The following TTN variants were observed in gnomAD, a reference collection of about 807,000 sequenced individuals.
TTN encodes titin.
A neutral mutation model predicts 3,223.0 loss-of-function variants in TTN; 1,525 were observed. The observed-to-expected ratio is 0.47, with a 90% confidence interval of 0.45 to 0.49. The LOEUF is 0.49. TTN is among the 20% of genes least tolerant of loss of function. The pLI, the probability that TTN is intolerant of heterozygous loss-of-function variation, is 0.00. For missense variants in TTN, 40,786 were observed against 43,424.0 expected (o/e 0.94, Z 5.40); for synonymous variants, 14,094 against 15,161.0 (o/e 0.93, Z 5.17).
intron 221 of TTN, 24 bp downstream of exon 221, chr2:178,640,517 C>T (rs376140448): frequency 5.0e-6 from 8 of 1,589,452 alleles, no homozygotes; most frequent in Non-Finnish European, 6.9e-6. Flanking sequence ...TTAGAGACAA[C>T]TAAGAATGAC....
chr2:178,604,231 C>A lies in TTN; in HGVS notation c.54456G>T (p.Glu18152Asp). ...RAVNKYGISD[E>D]CKSDKVVIQD... ...GAATGACTACTTTATCTGATTTGCA[C>A]TCATCACTGATTCCATATTTATTCA... Residue 18152 changes from glutamate (E) to aspartate (D), a missense_variant, in exon 282 of 363, where the codon GAG (glutamate) becomes GAT (aspartate). Coordinates refer to ENST00000589042, the MANE Select transcript of TTN (RefSeq NM_001267550.2). The A allele has an allele frequency of 6.2e-7, 1 of 1,600,118 alleles. No individual in the cohort carries two copies. The highest frequency in any genetic ancestry group is 8.5e-7 in the Non-Finnish European group (1 of 1,172,302).
rs1228652507 is a variant in TTN, at chr2:178,634,483, T to C, written c.42298A>G (p.Ile14100Val). 1 of 1,613,318 alleles carries C rather than the reference T, an allele frequency of 6.2e-7. No individual in the cohort carries two copies. Among genetic ancestry groups the C allele is most frequent in the South Asian group, 1.1e-5 (1 of 91,046 alleles). ...DIIKSSDKFD[I>V]IADGKKHILV... Reference sequence around the variant, plus strand: ...ATATGTTTCTTTCCATCAGCGATGATATCAAATTTGTCAGATGACTTAATT... The same window carrying C: ...ATATGTTTCTTTCCATCAGCGATGACATCAAATTTGTCAGATGACTTAATT... Residue 14100 changes from isoleucine to valine, a missense_variant, in exon 230 of 363, where the codon ATC becomes GTC. By Grantham distance (29) the Ile-to-Val change is conservative. Transcript: ENST00000589042. This position sits in a 1 kb window ranked among gnomAD's most constrained non-coding sequence, Gnocchi z 4.6.
chr2:178,578,279 T>C (rs2046897373), intron 321 of TTN, 94 bp from the exon 322 acceptor site: 2 of 1,126,754 alleles, frequency 1.8e-6, no homozygotes, highest in Non-Finnish European at 2.5e-6. Flanking sequence ...TCCATATATA[T>C]TGAACAAGTA....
chr2:178,644,723 G>T, intron 217 of TTN, 107 bp from the exon 218 acceptor site: 1 of 842,970 alleles, frequency 1.2e-6, no homozygotes, highest in Non-Finnish European at 1.8e-6. Flanking sequence ...TAACCAGAAA[G>T]CATTAATAAC....
chr2:178,549,869 T>C lies in TTN; in HGVS notation c.91853A>G (p.Asp30618Gly). Residue 30618 changes from aspartate to glycine, a missense_variant and splice_region_variant, in exon 338 of 363, where the codon GAT becomes GGT. By Grantham distance (94) the Asp-to-Gly change is moderately conservative. Coordinates refer to ENST00000589042, the MANE Select transcript of TTN (RefSeq NM_001267550.2). Reference sequence around the variant, plus strand: ...TGGCCCAACTACTTTTCCTGGTGTATCTATAAGAAAAAGTTTCTAGAGTTA... The same window carrying C: ...TGGCCCAACTACTTTTCCTGGTGTACCTATAAGAAAAAGTTTCTAGAGTTA... ...AKAEIKVKVQ[D>G]TPGKVVGPIR... The C allele has an allele frequency of 6.5e-7, 1 of 1,549,432 alleles. No homozygotes were observed. Among genetic ancestry groups the C allele is most frequent in the Non-Finnish European group, 8.7e-7 (1 of 1,152,030 alleles).
rs774704941 is a variant in TTN at position 178,568,712 on chromosome 2, T to C, written c.77420A>G (p.Tyr25807Cys). Reference sequence around the variant, plus strand: ...CAAATCTTGGCCAACCTGTACACTGTAACTACTGAATGCAGGTTTTACATC... The same window carrying C: ...CAAATCTTGGCCAACCTGTACACTGCAACTACTGAATGCAGGTTTTACATC... The part of the protein sequence containing the change: ...EPDVKPAFSS[Y>C]SVQVGQDLKI... Residue 25807 changes from tyrosine (Y) to cysteine (C), a missense_variant, in exon 326 of 363, where the codon TAC becomes TGC. Coordinates refer to ENST00000589042, the MANE Select transcript of TTN (RefSeq NM_001267550.2). The C allele has an allele frequency of 6.2e-7, 1 of 1,613,368 alleles. No individual in the cohort carries two copies. Among genetic ancestry groups the C allele is most frequent in the Non-Finnish European group, 8.5e-7 (1 of 1,179,574 alleles).
chr2:178,561,104 G>T lies in TTN; in HGVS notation c.85028C>A (p.Thr28343Asn). The T allele has an allele frequency of 6.2e-7, 1 of 1,613,810 alleles. No individual in the cohort carries two copies. The highest frequency in any genetic ancestry group is 1.1e-5 in the South Asian group (1 of 91,084). ...ADSVSEPSESTGPIIVKDDVE... is the reference protein window; with the variant it reads ...ADSVSEPSESNGPIIVKDDVE... Reference sequence around the variant, plus strand: ...ATCATCTTTAACTATAATAGGCCCAGTGGATTCAGATGGCTCACTAACTGA... The same window carrying T: ...ATCATCTTTAACTATAATAGGCCCATTGGATTCAGATGGCTCACTAACTGA... The change falls in exon 326 of 363, where the codon ACT becomes AAT. Residue 28343 changes from threonine (T) to asparagine (N), a missense_variant. Transcript: ENST00000589042.
chr2:178,634,235 G>A lies in TTN; in HGVS notation c.42415+131C>T. Reference sequence around the variant, plus strand: ...CTCCACTAAAAACAAATTAAGGGGGGTTGTTTTGGTAACACTGTGAAAGTT... The same window carrying A: ...CTCCACTAAAAACAAATTAAGGGGGATTGTTTTGGTAACACTGTGAAAGTT... On this transcript the variant is annotated intron_variant, in intron 230 of 362. Coordinates refer to ENST00000589042, the MANE Select transcript of TTN (RefSeq NM_001267550.2). This position sits in a 1 kb window ranked among gnomAD's most constrained non-coding sequence, Gnocchi z 4.6. 6.8e-7 allele frequency: 1 copy of A among 1,474,044 alleles called. No individual in the cohort carries two copies. The highest frequency in any genetic ancestry group is 9.0e-7 in the Non-Finnish European group (1 of 1,112,110). 91.3% of individuals were successfully genotyped at this position (1,474,044 alleles called of 1,614,324 possible). A position where few individuals can be genotyped will look rare whatever the true frequency, so the allele number is the denominator to read the frequency against.
chr2:178,747,911 T>G (rs144905085), intron 47 of TTN: 43 of 1,613,184 alleles, frequency 2.7e-5, no homozygotes, highest in Non-Finnish European at 3.6e-5. Context: ...TGGGAAGCAC[T>G]GACTCAGGGA....
intron 147 of TTN, among the ~76,000 whole-genome samples, chr2:178,676,742 T>C (rs955229063): frequency 5.3e-5 from 8 of 151,918 alleles, no homozygotes; most frequent in Admixed American, 3.9e-4. Flanking sequence ...TTTATATATA[T>C]GTATTAGAAG....
In TTN at chr2:178,667,619, G is replaced by C; in HGVS notation, c.35629+19C>G. The C allele has an allele frequency of 6.3e-7, 1 of 1,585,944 alleles. No homozygotes were observed. Among genetic ancestry groups the C allele is most frequent in the African/African-American group, 1.3e-5 (1 of 74,240 alleles). On this transcript the variant is annotated intron_variant, in intron 160 of 362. Coordinates refer to ENST00000589042, the MANE Select transcript of TTN (RefSeq NM_001267550.2). Reference sequence around the variant, plus strand: ...CAAAAAATAATTTTTCTTCAGAGTGGATCATTGGTGTTATATACCTTTTGC... The same window carrying C: ...CAAAAAATAATTTTTCTTCAGAGTGCATCATTGGTGTTATATACCTTTTGC...
In TTN at chr2:178,704,541, T is replaced by C; in HGVS notation, c.29931A>G (p.Pro9977=). Reference sequence around the variant, plus strand: ...CAGTTAGTTTAGCGCTAGCGATGTGTGGACCACAAACCAATCGATAATTGC... The same window carrying C: ...CAGTTAGTTTAGCGCTAGCGATGTGCGGACCACAAACCAATCGATAATTGC... The part of the protein sequence containing the change: ...DQGNYRLVCG[P]HIASAKLTVI... Residue 9977 remains proline, a synonymous_variant, in exon 105 of 363, where the codon CCA becomes CCG. Transcript: ENST00000589042. 1.2e-6 allele frequency: 2 copies of C among 1,612,614 alleles called. No homozygotes were observed. The highest frequency in any genetic ancestry group is 1.7e-6 in the Non-Finnish European group (2 of 1,179,108).
chr2:178,544,172 A>T, intron 345 of TTN, 29 bp downstream of exon 345: 1 of 1,605,738 alleles, frequency 6.2e-7, no homozygotes, highest in South Asian at 1.1e-5. Context: ...GAAGAAAATA[A>T]TTCACCTAAA....
At chr2:178,806,676 C>T (rs1052486858) in intron 1 of TTN, among the ~76,000 whole-genome samples, 9 of 152,180 alleles carry the variant, frequency 5.9e-5, no homozygotes, top group East Asian at 1.9e-4. Flanking sequence ...TGAAGGTATG[C>T]GTCTAAAATG....
chr2:178,552,763 G>C lies in TTN; in HGVS notation c.90137C>G (p.Ser30046Cys), dbSNP rs1400410632. Residue 30046 changes from serine (S) to cysteine (C), a missense_variant, in exon 335 of 363, where the codon TCT (serine) becomes TGT (cysteine). Transcript: ENST00000589042. Reference protein sequence around the residue: ...DLSMKDSTKTSVILSWTKPDF... With the variant: ...DLSMKDSTKTCVILSWTKPDF... ...AGGTTTGGTCCAGCTGAGGATGACA[G>C]ATGTCTTTGTTGAGTCTTTCATTGA... The C allele has an allele frequency of 6.2e-7, 1 of 1,613,950 alleles. No individual in the cohort carries two copies. The highest frequency in any genetic ancestry group is 2.2e-5 in the East Asian group (1 of 44,854).
intron 47 of TTN, chr2:178,746,551 T>C: frequency 6.2e-7 from 1 of 1,613,126 alleles, no homozygotes; most frequent in Non-Finnish European, 8.5e-7. Flanking sequence ...TTACTGGAGG[T>C]GGTAGTGCCA....
rs763459770 is a variant in TTN at position 178,636,799 on chromosome 2, C to G, written c.40928G>C (p.Gly13643Ala). The G allele has an allele frequency of 6.4e-6, 10 of 1,562,476 alleles. No individual in the cohort carries two copies. The South Asian group carries it at 1.2e-4, about 19-fold the overall frequency. Residue 13643 changes from glycine (G) to alanine (A), a missense_variant and splice_region_variant, in exon 225 of 363, where the codon GGT becomes GCT. Gly to Ala is a moderately conservative substitution (Grantham distance 60). Transcript: ENST00000589042. This position sits in a 1 kb window ranked among gnomAD's most constrained non-coding sequence, Gnocchi z 4.3. ...EAAKPKGPIK[G>A]VPKKTPSPIE... Reference sequence around the variant, plus strand: ...TGGTGAAGGAGTCTTTTTGGGTACACCTAATTCAAAGTAAAATAAAAAGTT... The same window carrying G: ...TGGTGAAGGAGTCTTTTTGGGTACAGCTAATTCAAAGTAAAATAAAAAGTT...
chr2:178,606,807 T>C (rs1233761946), intron 278 of TTN, among the ~76,000 whole-genome samples: 1 of 151,974 alleles, frequency 6.6e-6, no homozygotes, highest in Non-Finnish European at 1.5e-5. Context: ...CAAGAAACCA[T>C]GCATGATTAA....
Position 178,741,541 on chromosome 2 carries a change from A to C in TTN, c.11692T>G (p.Tyr3898Asp), listed in dbSNP as rs1553941743. ...GEYTCMASNDYGKTICSAYLK... is the reference protein window; with the variant it reads ...GEYTCMASNDDGKTICSAYLK... ...TAGGCACTACATATTGTCTTTCCAT[A>C]GTCATTACTGGCCATACATGTATAC... Residue 3898 changes from tyrosine to aspartate, a missense_variant, in exon 48 of 363, where the codon TAT (tyrosine) becomes GAT (aspartate). Physicochemically the swap from Tyr to Asp is radical, Grantham distance 160. Coordinates refer to ENST00000589042, the MANE Select transcript of TTN (RefSeq NM_001267550.2). 3 of 1,613,868 alleles carry C rather than the reference A, an allele frequency of 1.9e-6. No individual in the cohort carries two copies. Among genetic ancestry groups the C allele is most frequent in the Non-Finnish European group, 2.5e-6 (3 of 1,179,820 alleles).
Sources: gnomAD v4.1 joint callset for allele counts (sites outside exome capture counted in the v4.1 genomes callset) on GRCh38, gnomAD v4.1.1 for gene constraint, Gnocchi (gnomAD v3.1) non-coding constraint, MANE v1.5 for transcripts, NCBI Gene and HGNC (gene_info 2026-07-23, HGNC 2026-07-21) for gene names.